SLC6A16: variants seen among roughly 807,000 people sequenced by gnomAD.
The protein encoded by SLC6A16 is solute carrier family 6 member 16.
SLC6A16 carries 54 observed loss-of-function variants against 65.4 expected under a neutral mutation model. The observed-to-expected ratio is 0.83, with a 90% CI of 0.66 to 1.04. SLC6A16 has a LOEUF of 1.04. SLC6A16 is among the 50% of genes least tolerant of loss of function. The pLI, the probability that SLC6A16 is intolerant of heterozygous loss-of-function variation, is 0.00. For missense variants in SLC6A16, 816 were observed against 914.0 expected, an observed-to-expected ratio of 0.89 and a Z score of 1.38; for synonymous variants, 330 against 346.5, an observed-to-expected ratio of 0.95 and a Z score of 0.53.
chr19:49,319,396 C>T (rs911899609), intron 1 of SLC6A16, among the ~76,000 whole-genome samples: 4 of 150,688 alleles, frequency 2.7e-5, no homozygotes, highest in Non-Finnish European at 4.4e-5. Context: ...CTAATTCCTT[C>T]ATATATGTGT....
At chr19:49,317,077 T>C (rs1252542245) in intron 1 of SLC6A16, among the ~76,000 whole-genome samples, 1 of 151,694 alleles carries the variant, frequency 6.6e-6, no homozygotes, top group African/African-American at 2.4e-5. Flanking sequence ...CAGTGGTTCA[T>C]GCCCGTAATC....
chr19:49,299,171 G>A (rs1049769566), intron 7 of SLC6A16, among the ~76,000 whole-genome samples: 4 of 151,792 alleles, frequency 2.6e-5, no homozygotes, highest in Non-Finnish European at 4.4e-5. Flanking sequence ...GCGTGAACCC[G>A]GGAGGCAGAG....
rs34486225 is a variant in SLC6A16 at position 49,290,252 on chromosome 19, G to A, written c.2082C>T (p.Asp694=). ...HRIPFRPKSG[D]GPMTASTSLP... is the part of the protein sequence containing the mutation. ...GGGATGTGGAGGCTGTCATAGGCCC[G>A]TCTCCGCTCTTGGGCCTGAAGGGAA... The change falls in exon 12 of 12, where the codon GAC becomes GAT. Residue 694 remains aspartate (D), a synonymous_variant. Coordinates refer to ENST00000335875, the MANE Select transcript of SLC6A16 (RefSeq NM_014037.3). 3,333 of 1,614,064 alleles carry A rather than the reference G, an allele frequency of 2.1e-3. 67 individuals are homozygous for A. The African/African-American group carries it at 0.037, about 18-fold the overall frequency.
At position 49,310,515 on chromosome 19, in the gene SLC6A16, G is replaced by T. The variant is rs539854962; in HGVS notation, c.416-5C>A. The T allele has an allele frequency of 1.2e-6, 2 of 1,614,008 alleles. No individual in the cohort carries two copies. Among genetic ancestry groups the T allele is most frequent in the African/African-American group, 1.3e-5 (1 of 75,054 alleles). ...TGTAGATGGCAGCGAAACTGCCTGTGAAGAAGATTCAGAAGGGACTCTGAG... is the reference window on the plus strand; with the variant it reads ...TGTAGATGGCAGCGAAACTGCCTGTTAAGAAGATTCAGAAGGGACTCTGAG... On this transcript the variant is annotated splice_polypyrimidine_tract_variant and splice_region_variant and intron_variant, in intron 2 of 11. Coordinates refer to ENST00000335875, the MANE Select transcript of SLC6A16 (RefSeq NM_014037.3).
rs371186183 is a variant in SLC6A16 at position 49,311,229 on chromosome 19, C to A, written c.119G>T (p.Arg40Leu). 1.9e-6 allele frequency: 3 copies of A among 1,614,064 alleles called. No individual in the cohort carries two copies. Among genetic ancestry groups the A allele is most frequent in the African/African-American group, 1.3e-5 (1 of 75,022 alleles). The change falls in exon 2 of 12, where the codon CGG (arginine) becomes CTG (leucine). Residue 40 changes from arginine to leucine, a missense_variant. Coordinates refer to ENST00000335875, the MANE Select transcript of SLC6A16 (RefSeq NM_014037.3). ...QTWEDKGSLT[R>L]SATSWTSEAQ... ...CTCTGAGGTCCAAGATGTTGCAGACCGGGTCAATGAACCCTTGTCTTCCCA... is the reference window on the plus strand; with the variant it reads ...CTCTGAGGTCCAAGATGTTGCAGACAGGGTCAATGAACCCTTGTCTTCCCA...
At chr19:49,337,365 C>T in the SLC6A16 span, 129 of 842,062 alleles carry the variant, frequency 1.5e-4, no homozygotes, top group African/African-American at 1.8e-3. Flanking sequence ...CCTGGTGGCT[C>T]ACGCCTGTAA....
rs1053867588 is a variant in SLC6A16, at chr19:49,325,171, T to C, written c.-188A>G. The C allele has an allele frequency of 1.0e-6, 1 of 985,446 alleles. No individual in the cohort carries two copies. The highest frequency in any genetic ancestry group is 5.2e-4 in the Middle Eastern group (1 of 1,914). 61.0% of individuals were successfully genotyped at this position (985,446 alleles called of 1,614,324 possible). A position where few individuals can be genotyped will look rare whatever the true frequency, so the allele number is the denominator to read the frequency against. On this transcript the variant is annotated 5_prime_UTR_variant, in exon 1 of 12. Coordinates refer to ENST00000335875, the MANE Select transcript of SLC6A16 (RefSeq NM_014037.3). ...CCCCTTCAGGCGTCGACAGATCGGTTTGGGCGACACCCCTCGATCTGCCTG... is the reference window on the plus strand; with the variant it reads ...CCCCTTCAGGCGTCGACAGATCGGTCTGGGCGACACCCCTCGATCTGCCTG...
At chr19:49,339,037 G>A in the SLC6A16 span, 5 of 998,506 alleles carry the variant, frequency 5.0e-6, no homozygotes, top group Non-Finnish European at 7.6e-6. The surrounding 1 kb of genome is among the most constrained non-coding windows in gnomAD (Gnocchi z 4.5). Context: ...CGGGGTCTAC[G>A]AGAAAAGGAA....
At chr19:49,330,417 T>C in the SLC6A16 span, among the ~76,000 whole-genome samples, 1 of 152,134 alleles carries the variant, frequency 6.6e-6, no homozygotes, top group African/African-American at 2.4e-5. Context: ...TGGCACTGCA[T>C]GATATCATCT....
rs1012219722 is a variant in SLC6A16, at chr19:49,293,737, C to G, written c.1618+90G>C. 4 of 1,172,430 alleles carry G rather than the reference C, an allele frequency of 3.4e-6. No individual in the cohort carries two copies. The African/African-American group carries it at 6.0e-5, about 18-fold the overall frequency. 72.6% of individuals were successfully genotyped at this position (1,172,430 alleles called of 1,614,324 possible). On this transcript the variant is annotated intron_variant, in intron 9 of 11. Transcript: ENST00000335875. ...CGAGATCACACCACTGCACTCCAGC[C>G]TGGGCTACAGGGACCCTGTCCCAAA...
chr19:49,331,721 G>A, the SLC6A16 span: 1 of 456,738 alleles, frequency 2.2e-6, no homozygotes, highest in Non-Finnish European at 4.4e-6. Context: ...ATTTCAGGCT[G>A]AGTCTAGAAA....
Position 49,294,543 on chromosome 19 carries a change from T to C in SLC6A16, c.1240A>G (p.Ile414Val), listed in dbSNP as rs1970148416. 1 of 1,607,250 alleles carries C rather than the reference T, an allele frequency of 6.2e-7. No homozygotes were observed. Among genetic ancestry groups the C allele is most frequent in the Non-Finnish European group, 8.5e-7 (1 of 1,176,780 alleles). The part of the protein sequence containing the change: ...THRCCERNAE[I>V]LLKLINLGKL... The stretch of plus-strand genomic sequence containing the variant: ...CCTAGGTTTATCAGCTTTAAAAGTA[T>C]TTCAGCATTCCTGGGGATAGAGGGT... The change falls in exon 8 of 12, where the codon ATA becomes GTA. Residue 414 changes from isoleucine to valine, a missense_variant. Physicochemically the swap from Ile to Val is conservative, Grantham distance 29. Transcript: ENST00000335875.
At chr19:49,331,221 T>C in the SLC6A16 span, among the ~76,000 whole-genome samples, 5 of 152,068 alleles carry the variant, frequency 3.3e-5, no homozygotes, top group South Asian at 8.3e-4. Context: ...TGCTCTGTCA[T>C]CCAGGCTGGA....
rs745336274 is a variant in SLC6A16 at position 49,309,002 on chromosome 19, T to C, written c.1103A>G (p.Asn368Ser). ...GAGAAAGGCATCACTGAGACAGTTGTTGGACTGGGGCATGTAGGAGGCTAA... is the reference window on the plus strand; with the variant it reads ...GAGAAAGGCATCACTGAGACAGTTGCTGGACTGGGGCATGTAGGAGGCTAA... ...ASLASYMPQSNNCLSDAFLVS... is the reference protein window; with the variant it reads ...ASLASYMPQSSNCLSDAFLVS... Residue 368 changes from asparagine to serine, a missense_variant, in exon 7 of 12, where the codon AAC becomes AGC. Coordinates refer to ENST00000335875, the MANE Select transcript of SLC6A16 (RefSeq NM_014037.3). 5 of 1,614,128 alleles carry C rather than the reference T, an allele frequency of 3.1e-6. No homozygotes were observed. Among genetic ancestry groups the C allele is most frequent in the East Asian group, 2.2e-5 (1 of 44,882 alleles).
At chr19:49,338,855 C>T in the SLC6A16 span, 2 of 1,614,180 alleles carry the variant, frequency 1.2e-6, no homozygotes, top group Non-Finnish European at 1.7e-6. This position sits in a 1 kb window ranked among gnomAD's most constrained non-coding sequence, Gnocchi z 5.0. Flanking sequence ...TGCCCCAGCT[C>T]AGCAGGCTTG....
chr19:49,337,202 T>C, the SLC6A16 span: 1 of 1,614,004 alleles, frequency 6.2e-7, no homozygotes, highest in Non-Finnish European at 8.5e-7. Context: ...GGAATCCTCA[T>C]CTCCACTCAG....
At chr19:49,296,417 T>C (rs1469190249) in intron 7 of SLC6A16, among the ~76,000 whole-genome samples, 1 of 152,180 alleles carries the variant, frequency 6.6e-6, no homozygotes, top group Non-Finnish European at 1.5e-5. Flanking sequence ...ACCTTAGTAA[T>C]CAAAGCAGGG....
chr19:49,339,336 GCGC>G, the SLC6A16 span: 1 of 1,613,924 alleles, frequency 6.2e-7, no homozygotes, highest in Non-Finnish European at 8.5e-7. The surrounding 1 kb of genome is among the most constrained non-coding windows in gnomAD (Gnocchi z 4.5). Flanking sequence ...CCAGGGCTGC[GCGC>G]AGGGCCTCCA....
Position 49,290,261 on chromosome 19 carries a change from C to G in SLC6A16, c.2073G>C (p.Lys691Asn), listed in dbSNP as rs369578264. 3.1e-6 allele frequency: 5 copies of G among 1,613,978 alleles called. No homozygotes were observed. Among genetic ancestry groups the G allele is most frequent in the East Asian group, 2.2e-5 (1 of 44,890 alleles). Residue 691 changes from lysine to asparagine, a missense_variant, in exon 12 of 12, where the codon AAG becomes AAC. Lys to Asn is a moderately conservative substitution (Grantham distance 94). Coordinates refer to ENST00000335875, the MANE Select transcript of SLC6A16 (RefSeq NM_014037.3). ...CRIHRIPFRPKSGDGPMTAST... is the reference protein window; with the variant it reads ...CRIHRIPFRPNSGDGPMTAST... Reference sequence around the variant, plus strand: ...AGGCTGTCATAGGCCCGTCTCCGCTCTTGGGCCTGAAGGGAATCCTATGTA... The same window carrying G: ...AGGCTGTCATAGGCCCGTCTCCGCTGTTGGGCCTGAAGGGAATCCTATGTA...
Sources: allele counts gnomAD v4.1 joint callset (sites outside exome capture counted in the v4.1 genomes callset), GRCh38; gene constraint gnomAD v4.1.1; non-coding constraint Gnocchi (gnomAD v3.1); transcripts MANE v1.5; gene names NCBI Gene and HGNC (gene_info 2026-07-23, HGNC 2026-07-21).